The following ZNF77 variants were observed in gnomAD, a reference collection of about 807,000 sequenced individuals.
The protein encoded by ZNF77 is ZNFpT1.
A neutral mutation model predicts 13.5 loss-of-function variants in ZNF77; 15 were observed. The ratio of observed to expected loss-of-function variants is 1.11; its 90% confidence interval spans 0.74 to 1.71. The LOEUF is 1.71. Among genes scored for constraint, ZNF77 ranks in the 40% most tolerant of loss-of-function variants. The pLI, the probability that ZNF77 is intolerant of heterozygous loss-of-function variation, is 0.00. For missense variants in ZNF77, 717 were observed against 676.4 expected (o/e 1.06, Z -0.67); for synonymous variants, 282 against 250.0 (o/e 1.13, Z -1.21).
At chr19:2,942,344 AC>A (rs1253136848) in intron 1 of ZNF77, among the ~76,000 whole-genome samples, 12 of 147,734 alleles carry the variant, frequency 8.1e-5, no homozygotes, top group African/African-American at 3.0e-4. Flanking sequence ...TGCTAGGATT[AC>A]AGGTGTGAGC....
Position 2,933,954 on chromosome 19 carries a change from A to G in ZNF77, c.1173T>C (p.Cys391=). Reference sequence around the variant, plus strand: ...TCACATGTCTTCTAAAGTAAGTGGGACATCCGAAGGCCTTCCCACACTGCT... The same window carrying G: ...TCACATGTCTTCTAAAGTAAGTGGGGCATCCGAAGGCCTTCCCACACTGCT... ...VCKQCGKAFG[C]PTYFRRHVKT... is the part of the protein sequence containing the mutation. The change falls in exon 4 of 4, where the codon TGT becomes TGC. Residue 391 remains cysteine, a synonymous_variant. Transcript: ENST00000314531. 1 of 1,614,028 alleles carries G rather than the reference A, an allele frequency of 6.2e-7. No homozygotes were observed. Among genetic ancestry groups the G allele is most frequent in the Non-Finnish European group, 8.5e-7 (1 of 1,179,998 alleles).
chr19:2,936,674 G>T lies in ZNF77; in HGVS notation c.161C>A (p.Ser54Ter), dbSNP rs908800378. 1.9e-6 allele frequency: 3 copies of T among 1,607,918 alleles called. No individual in the cohort carries two copies. The highest frequency in any genetic ancestry group is 2.5e-6 in the Non-Finnish European group (3 of 1,178,344). Reference protein sequence around the residue: ...DCYIYVRTSGSSSQRDVFGNG... With the variant: ...DCYIYVRTSG Reference sequence around the variant, plus strand: ...CCCAAAAACGTCCCTCTGAGAACTTGATCCACTGGTTCTAACATAAATGTA... The same window carrying T: ...CCCAAAAACGTCCCTCTGAGAACTTTATCCACTGGTTCTAACATAAATGTA... The change falls in exon 3 of 4, where the codon TCA becomes TAA. Residue 54 changes from serine to a stop codon, truncating the protein, a stop_gained. Coordinates refer to ENST00000314531, the MANE Select transcript of ZNF77 (RefSeq NM_021217.3). LOFTEE classifies it high-confidence loss of function.
chr19:2,941,174 C>CAAA (rs142541120), intron 1 of ZNF77, among the ~76,000 whole-genome samples: 3,852 of 61,434 alleles, frequency 0.063, 290 homozygotes, highest in East Asian at 0.46. Context: ...CGCCCTACCT[C>CAAA]AAAAAAAAAA....
rs1336566613 is a variant in ZNF77, at chr19:2,934,424, G to C, written c.703C>G (p.His235Asp). 6.2e-7 allele frequency: 1 copy of C among 1,614,204 alleles called. No individual in the cohort carries two copies. The highest frequency in any genetic ancestry group is 1.3e-5 in the African/African-American group (1 of 75,048). The change falls in exon 4 of 4, where the codon CAT becomes GAT. Residue 235 changes from histidine (H) to aspartate (D), a missense_variant. His to Asp is a moderately conservative substitution (Grantham distance 81). Transcript: ENST00000314531. Reference protein sequence around the residue: ...SSFRGHVNSHHGQKTHACKVC... With the variant: ...SSFRGHVNSHDGQKTHACKVC... ...TTACATGCATGGGTTTTCTGCCCAT[G>C]ATGACTATTCACATGTCCCCTGAAA...
chr19:2,938,610 G>A (rs1283125794), intron 2 of ZNF77, among the ~76,000 whole-genome samples: 2 of 152,182 alleles, frequency 1.3e-5, no homozygotes, highest in African/African-American at 2.4e-5. Flanking sequence ...TTGGGATCAT[G>A]TCTATCTCTT....
At chr19:2,941,936 G>C (rs1020116934) in intron 1 of ZNF77, among the ~76,000 whole-genome samples, 1 of 152,064 alleles carries the variant, frequency 6.6e-6, no homozygotes, top group Non-Finnish European at 1.5e-5. Flanking sequence ...AACGTCTTCC[G>C]AGTTTGAGAG....
rs547089897 is a variant in ZNF77 at position 2,944,893 on chromosome 19, G to C, written c.-53C>G. ...GTTAGCGCCCCGCGGTCCAGCGACC[G>C]GCGCAGGTGAGCACGACAGGACACC... On this transcript the variant is annotated 5_prime_UTR_variant, in exon 1 of 4. Coordinates refer to ENST00000314531, the MANE Select transcript of ZNF77 (RefSeq NM_021217.3). The C allele has an allele frequency of 2.6e-5, 39 of 1,516,166 alleles. No homozygotes were observed. The South Asian group carries it at 3.2e-4, about 12-fold the overall frequency. 93.9% of individuals were successfully genotyped at this position (1,516,166 alleles called of 1,614,324 possible). A position where few individuals can be genotyped will look rare whatever the true frequency, so the allele number is the denominator to read the frequency against.
rs1372930493 is a variant in ZNF77 at position 2,934,483 on chromosome 19, T to A, written c.644A>T (p.Gln215Leu). 3 of 1,614,230 alleles carry A rather than the reference T, an allele frequency of 1.9e-6. No homozygotes were observed. Among genetic ancestry groups the A allele is most frequent in the Non-Finnish European group, 2.5e-6 (3 of 1,180,042 alleles). The change falls in exon 4 of 4, where the codon CAG becomes CTG. Residue 215 changes from glutamine (Q) to leucine (L), a missense_variant. Transcript: ENST00000314531. ...ACAAATGAAAGCTTTTCCACATTTC[T>A]GACATTCATAAGACTTTTTACTGCT... is the stretch of plus-strand genomic sequence containing the variant. ...SLSSKKSYECQKCGKAFICPS... is the reference protein window; with the variant it reads ...SLSSKKSYECLKCGKAFICPS...
rs775251988 is a variant in ZNF77 at position 2,936,506 on chromosome 19, CGG to C, written c.311+16_311+17del. On this transcript the variant is annotated intron_variant, in intron 3 of 3. Transcript: ENST00000314531. ...TGCTCTGCGGAGAGGCCCATCCCTC[CGG>C]TTGAGCGCCACTCACCTCAGATGCC... 1 of 1,571,106 alleles carries C rather than the reference CGG, an allele frequency of 6.4e-7. No individual in the cohort carries two copies. Among genetic ancestry groups the C allele is most frequent in the Non-Finnish European group, 8.6e-7 (1 of 1,165,292 alleles).
chr19:2,938,922 C>G (rs1339993766), intron 2 of ZNF77, among the ~76,000 whole-genome samples: 1 of 151,208 alleles, frequency 6.6e-6, no homozygotes, highest in Non-Finnish European at 1.5e-5. Context: ...TGCCACTGCA[C>G]TCCAGCTTGG....
chr19:2,934,100 C>T lies in ZNF77; in HGVS notation c.1027G>A (p.Gly343Arg), dbSNP rs1416194990. The part of the protein sequence containing the change: ...FTCYSSLREH[G>R]RTHSGEKPYE... ...GGTTTCTCTCCACTGTGCGTTCTCC[C>T]ATGTTCTCGAAGAGACGAGTAACAA... The change falls in exon 4 of 4, where the codon GGG becomes AGG. Residue 343 changes from glycine to arginine, a missense_variant. By Grantham distance (125) the Gly-to-Arg change is moderately radical (BLOSUM62 -2). Coordinates refer to ENST00000314531, the MANE Select transcript of ZNF77 (RefSeq NM_021217.3). 6.2e-7 allele frequency: 1 copy of T among 1,614,080 alleles called. No homozygotes were observed. The highest frequency in any genetic ancestry group is 1.1e-5 in the South Asian group (1 of 91,078).
rs114126245 is a variant in ZNF77 at position 2,936,645 on chromosome 19, C to T, written c.190G>A (p.Gly64Arg). The change falls in exon 3 of 4, where the codon GGA (glycine) becomes AGA (arginine). Residue 64 changes from glycine to arginine, a missense_variant. Gly to Arg is a moderately radical substitution (Grantham distance 125). Transcript: ENST00000314531. ...SSSQRDVFGN[G>R]ISNDEEIVKF... is the part of the protein sequence containing the mutation. ...ACAATCTCTTCATCATTGGATATTC[C>T]ATTCCCAAAAACGTCCCTCTGAGAA... 625 of 1,609,894 alleles carry T rather than the reference C, an allele frequency of 3.9e-4. 3 individuals are homozygous for T. The African/African-American group carries it at 7.5e-3, about 19-fold the overall frequency.
intron 1 of ZNF77, among the ~76,000 whole-genome samples, chr19:2,942,662 A>G (rs915311597): frequency 2.0e-5 from 3 of 152,222 alleles, no homozygotes; most frequent in Middle Eastern, 3.4e-3. Context: ...GAAACCAGCA[A>G]AGGTGAAACC....
At chr19:2,937,913 C>T (rs1395309800) in intron 2 of ZNF77, among the ~76,000 whole-genome samples, 9 of 152,088 alleles carry the variant, frequency 5.9e-5, no homozygotes, top group African/African-American at 1.2e-4. Flanking sequence ...CCTGCCACCA[C>T]GCCCGACTAC....
At chr19:2,937,733 A>G (rs1187218157) in intron 2 of ZNF77, among the ~76,000 whole-genome samples, 1 of 129,736 alleles carries the variant, frequency 7.7e-6, no homozygotes, top group East Asian at 2.1e-4. Context: ...TCCTCCTCAG[A>G]GAAGGGTTTG....
intron 2 of ZNF77, among the ~76,000 whole-genome samples, chr19:2,937,308 AC>A (rs2088406475): frequency 1.3e-5 from 2 of 152,040 alleles, no homozygotes; most frequent in African/African-American, 4.8e-5. Flanking sequence ...ACATGGTTAA[AC>A]CCCATCTCCA....
chr19:2,933,968 T>G lies in ZNF77; in HGVS notation c.1159A>C (p.Lys387Gln). 1 of 1,614,172 alleles carries G rather than the reference T, an allele frequency of 6.2e-7. No homozygotes were observed. Among genetic ancestry groups the G allele is most frequent in the Non-Finnish European group, 8.5e-7 (1 of 1,180,020 alleles). ...AAGTAAGTGGGACATCCGAAGGCCT[T>G]CCCACACTGCTTGCACACATAGGGC... ...EKPYVCKQCG[K>Q]AFGCPTYFRR... Residue 387 changes from lysine to glutamine, a missense_variant, in exon 4 of 4, where the codon AAG becomes CAG. By Grantham distance (53) the Lys-to-Gln change is moderately conservative. Coordinates refer to ENST00000314531, the MANE Select transcript of ZNF77 (RefSeq NM_021217.3).
Position 2,937,764 on chromosome 19 carries a change from TTTTG to T in ZNF77, c.131-1064_131-1061del, listed in dbSNP as rs869308900. ...GTTTGTGTTTCTTTTTTTTGTTTTG[TTTTG>T]TTTTTTGAGACAGAGTCTCACACTG... is the stretch of plus-strand genomic sequence containing the variant. On this transcript the variant is annotated intron_variant, in intron 2 of 3. Coordinates refer to ENST00000314531, the MANE Select transcript of ZNF77 (RefSeq NM_021217.3). Among the ~76,000 whole-genome samples, 2 of 151,588 alleles carry T rather than the reference TTTTG, an allele frequency of 1.3e-5. 1 individual carries two copies. Among genetic ancestry groups the T allele is most frequent in the South Asian group, 4.2e-4 (2 of 4,804 alleles).
chr19:2,938,904 C>T (rs985245318), intron 2 of ZNF77, among the ~76,000 whole-genome samples: 20 of 151,438 alleles, frequency 1.3e-4, no homozygotes, highest in South Asian at 1.2e-3. Flanking sequence ...TGCAGTGAGC[C>T]GAGATCGTGC....
Sources: allele counts gnomAD v4.1 joint callset (sites outside exome capture counted in the v4.1 genomes callset), GRCh38; gene constraint gnomAD v4.1.1; transcripts MANE v1.5; gene names NCBI Gene and HGNC (gene_info 2026-07-23, HGNC 2026-07-21).